HGSNAT: variants seen among roughly 807,000 people sequenced by gnomAD.
HGSNAT encodes heparan-alpha-glucosaminide N-acetyltransferase.
In HGSNAT, 59 loss-of-function variants were observed where a neutral mutation model predicts 85.2. The ratio of observed to expected loss-of-function variants is 0.69; its 90% confidence interval spans 0.56 to 0.86. The LOEUF is 0.86. Among genes scored for constraint, HGSNAT ranks in the 40% least tolerant of loss-of-function variants. The pLI, the probability that HGSNAT is intolerant of heterozygous loss-of-function variation, is 0.00. For missense variants in HGSNAT, 756 were observed against 777.1 expected, an observed-to-expected ratio of 0.97 and a Z score of 0.32; for synonymous variants, 321 against 304.5, an observed-to-expected ratio of 1.05 and a Z score of -0.56.
Position 43,199,519 on chromosome 8 carries a change from G to A in HGSNAT, c.1858G>A (p.Val620Met), listed in dbSNP as rs1413168448. 6.2e-7 allele frequency: 1 copy of A among 1,607,000 alleles called. No individual in the cohort carries two copies. Among genetic ancestry groups the A allele is most frequent in the Non-Finnish European group, 8.5e-7 (1 of 1,176,408 alleles). ...TQNIVATALW[V>M]LIAYILYRKK... is the part of the protein sequence containing the mutation. ...GAACATCGTCGCCACTGCCCTCTGG[G>A]TGCTCATTGCCTACATCCTCTATAG... is the stretch of plus-strand genomic sequence containing the variant. Residue 620 changes from valine to methionine, a missense_variant, in exon 18 of 18, where the codon GTG (valine) becomes ATG (methionine). Val to Met is a conservative substitution (Grantham distance 21, BLOSUM62 1). Coordinates refer to ENST00000379644, the MANE Select transcript of HGSNAT (RefSeq NM_152419.3).
At chr8:43,164,795 T>A (rs1294434657) in intron 5 of HGSNAT, among the ~76,000 whole-genome samples, 1 of 151,916 alleles carries the variant, frequency 6.6e-6, no homozygotes, top group African/African-American at 2.4e-5. Flanking sequence ...AAATAAAAAA[T>A]AAAGTGAGAG....
At chr8:43,144,782 C>T (rs1324416154) in intron 1 of HGSNAT, among the ~76,000 whole-genome samples, 2 of 152,118 alleles carry the variant, frequency 1.3e-5, no homozygotes, top group East Asian at 3.8e-4. Context: ...CAAGATTTGG[C>T]TACAACTTCA....
chr8:43,173,459 G>A (rs937849671), intron 8 of HGSNAT, among the ~76,000 whole-genome samples: 10 of 151,828 alleles, frequency 6.6e-5, no homozygotes, highest in South Asian at 4.2e-4. Context: ...ACAGGTGCCC[G>A]CCACCACACC....
chr8:43,154,128 G>T (rs1417682608), intron 2 of HGSNAT, among the ~76,000 whole-genome samples: 5 of 152,252 alleles, frequency 3.3e-5, no homozygotes, highest in African/African-American at 9.6e-5. Flanking sequence ...TTGAAGGCAA[G>T]AATTTCATGC....
chr8:43,173,803 G>A, intron 9 of HGSNAT, 60 bp downstream of exon 9: 1 of 1,542,212 alleles, frequency 6.5e-7, no homozygotes, highest in Non-Finnish European at 8.9e-7. Flanking sequence ...CTGTTTTTCA[G>A]ATGATGCTGG....
At chr8:43,178,525 C>T (rs1302515222) in intron 10 of HGSNAT, among the ~76,000 whole-genome samples, 1 of 150,772 alleles carries the variant, frequency 6.6e-6, no homozygotes, top group East Asian at 1.9e-4. Flanking sequence ...GTGAGAGGCA[C>T]AGCAGGGACC....
In HGSNAT at chr8:43,165,394, C is replaced by A. The variant is rs963352816; in HGVS notation, c.564-3779C>A. Among the ~76,000 whole-genome samples the A allele has an allele frequency of 8.5e-5, 13 of 152,184 alleles. No homozygotes were observed. In the South Asian group the frequency reaches 1.2e-3, roughly 15 times the overall value. On this transcript the variant is annotated intron_variant, in intron 5 of 17. Transcript: ENST00000379644. ...CTCCCTCTCTTTGGGCTTCTCTATC[C>A]TTTCAGATACAACAATATTGAAATT...
At position 43,158,618 on chromosome 8, in the gene HGSNAT, C is replaced by T. The variant is rs372055513; in HGVS notation, c.278C>T (p.Ala93Val). ...VLVNVPQSPK[A>V]GKPSAAAASV... ...GTAAACGTTCCTCAGAGTCCAAAAGCAGGGAAGCCTAGTGCTGCAGCTGCC... is the reference window on the plus strand; with the variant it reads ...GTAAACGTTCCTCAGAGTCCAAAAGTAGGGAAGCCTAGTGCTGCAGCTGCC... The change falls in exon 3 of 18, where the codon GCA (alanine) becomes GTA (valine). Residue 93 changes from alanine to valine, a missense_variant. Transcript: ENST00000379644. The T allele has an allele frequency of 2.1e-5, 34 of 1,613,840 alleles. No homozygotes were observed. In the South Asian group the frequency reaches 2.4e-4, roughly 11 times the overall value.
intron 11 of HGSNAT, among the ~76,000 whole-genome samples, chr8:43,188,812 T>A (rs369355962): frequency 1.3e-5 from 2 of 152,200 alleles, no homozygotes; most frequent in Non-Finnish European, 2.9e-5. Flanking sequence ...ATGATGGTGA[T>A]GTACAGATGG....
rs758826519 is a variant in HGSNAT at position 43,178,216 on chromosome 8, A to C, written c.994A>C (p.Asn332His). The change falls in exon 10 of 18, where the codon AAT becomes CAT. Residue 332 changes from asparagine (N) to histidine (H), a missense_variant. Coordinates refer to ENST00000379644, the MANE Select transcript of HGSNAT (RefSeq NM_152419.3). ...CATAGGAATTATCATTGTGAATCCC[A>C]ATTATTGCCTTGGTCCATGTAAGTA... is the stretch of plus-strand genomic sequence containing the variant. Reference protein sequence around the residue: ...ICIGIIIVNPNYCLGPLSWDK... With the variant: ...ICIGIIIVNPHYCLGPLSWDK... 1.9e-6 allele frequency: 3 copies of C among 1,550,294 alleles called. No homozygotes were observed. The highest frequency in any genetic ancestry group is 2.6e-6 in the Non-Finnish European group (3 of 1,152,416).
At chr8:43,188,674 G>T (rs554540547) in intron 11 of HGSNAT, among the ~76,000 whole-genome samples, 1 of 152,312 alleles carries the variant, frequency 6.6e-6, no homozygotes, top group South Asian at 2.1e-4. Flanking sequence ...CTCCAACCAG[G>T]TTTGTTCCAT....
intron 8 of HGSNAT, 25 bp downstream of exon 8, chr8:43,172,411 T>A: frequency 6.8e-7 from 1 of 1,478,436 alleles, no homozygotes; most frequent in South Asian, 1.1e-5. Context: ...AAAAGTAATG[T>A]TGCTTATATA....
At chr8:43,153,042 T>C (rs2130698829) in intron 2 of HGSNAT, among the ~76,000 whole-genome samples, 1 of 151,616 alleles carries the variant, frequency 6.6e-6, no homozygotes, top group South Asian at 2.1e-4. Flanking sequence ...CAACCATGCT[T>C]GACTAGCTTA....
At chr8:43,180,059 G>A (rs1586736418) in intron 10 of HGSNAT, among the ~76,000 whole-genome samples, 1 of 129,048 alleles carries the variant, frequency 7.7e-6, no homozygotes, top group African/African-American at 3.1e-5. Flanking sequence ...GCCGGGCGGG[G>A]GGCTGACCCC....
intron 11 of HGSNAT, among the ~76,000 whole-genome samples, chr8:43,184,972 C>G (rs958861648): frequency 6.6e-6 from 1 of 152,102 alleles, no homozygotes; most frequent in Admixed American, 6.5e-5. Context: ...TTTCTGAGGG[C>G]TCTGTTCTGT....
chr8:43,166,862 C>T (rs1586721182), intron 5 of HGSNAT, among the ~76,000 whole-genome samples: 1 of 152,282 alleles, frequency 6.6e-6, no homozygotes, highest in East Asian at 1.9e-4. Flanking sequence ...AAGGATTCAC[C>T]ATTGTAGATG....
At chr8:43,166,781 C>A (rs116843021) in intron 5 of HGSNAT, among the ~76,000 whole-genome samples, 2 of 152,022 alleles carry the variant, frequency 1.3e-5, no homozygotes, top group Non-Finnish European at 2.9e-5. Flanking sequence ...TTTATAAAGC[C>A]GTATAGCTGC....
chr8:43,170,491 C>A, intron 6 of HGSNAT, 94 bp from the exon 7 acceptor site: 1 of 1,162,656 alleles, frequency 8.6e-7, no homozygotes, highest in South Asian at 1.3e-5. Flanking sequence ...AAAAACAAAA[C>A]AAAACAAAAC....
At chr8:43,184,713 T>C (rs1804247560) in intron 11 of HGSNAT, among the ~76,000 whole-genome samples, 1 of 152,246 alleles carries the variant, frequency 6.6e-6, no homozygotes, top group Non-Finnish European at 1.5e-5. Flanking sequence ...TCCTTGCCCA[T>C]GCCTGTGTCC....
Sources: gnomAD v4.1 joint callset for allele counts (sites outside exome capture counted in the v4.1 genomes callset) on GRCh38, gnomAD v4.1.1 for gene constraint, MANE v1.5 for transcripts, NCBI Gene and HGNC (gene_info 2026-07-23, HGNC 2026-07-21) for gene names.